CCDC148: variants seen among roughly 807,000 people sequenced by gnomAD.
CCDC148 encodes coiled-coil domain-containing protein 148.
CCDC148 carries 89 observed loss-of-function variants against 85.7 expected under a neutral mutation model. That is an observed-to-expected ratio of 1.04 (90% CI 0.87 to 1.24). CCDC148 has a LOEUF of 1.24. CCDC148 is among the 50% of genes most tolerant of loss of function. The pLI, the probability that CCDC148 is intolerant of heterozygous loss-of-function variation, is 0.00. For synonymous variants in CCDC148, 230 were observed against 213.9 expected (o/e 1.08, Z -0.66); for missense variants, 692 against 671.7 (o/e 1.03, Z -0.33).
At chr2:158,370,006 G>A (rs1046394643) in intron 1 of CCDC148, among the ~76,000 whole-genome samples, 1 of 152,080 alleles carries the variant, frequency 6.6e-6, no homozygotes, top group African/African-American at 2.4e-5. Flanking sequence ...TCATCCTGGG[G>A]TTGAAGCCGA....
At chr2:158,386,340 A>G (rs1482590708) in intron 1 of CCDC148, among the ~76,000 whole-genome samples, 1 of 152,112 alleles carries the variant, frequency 6.6e-6, no homozygotes, top group Non-Finnish European at 1.5e-5. Context: ...AGTGATTGCT[A>G]TTAATTTCTG....
chr2:158,259,983 C>A (rs1184092987), intron 9 of CCDC148, among the ~76,000 whole-genome samples: 1 of 151,930 alleles, frequency 6.6e-6, no homozygotes, highest in Non-Finnish European at 1.5e-5. Flanking sequence ...TAAAATACAC[C>A]CCTCCTAGTG....
chr2:158,331,164 C>G (rs868672191), intron 7 of CCDC148, among the ~76,000 whole-genome samples: 4 of 152,292 alleles, frequency 2.6e-5, no homozygotes, highest in South Asian at 4.1e-4. Context: ...AAATTTTCCT[C>G]TACACACTGC....
intron 2 of CCDC148, among the ~76,000 whole-genome samples, chr2:158,357,383 A>C (rs1241563697): frequency 6.6e-6 from 1 of 152,188 alleles, no homozygotes; most frequent in East Asian, 1.9e-4. Context: ...TGAACAATTA[A>C]ATATTTAAAA....
intron 11 of CCDC148, among the ~76,000 whole-genome samples, chr2:158,216,175 T>C (rs1686843661): frequency 6.6e-6 from 1 of 152,154 alleles, no homozygotes; most frequent in Admixed American, 6.5e-5. Context: ...TGCATGTATA[T>C]GCATTTAAAA....
chr2:158,220,811 G>T, intron 10 of CCDC148, 98 bp from the exon 11 acceptor site: 1 of 844,290 alleles, frequency 1.2e-6, no homozygotes, highest in South Asian at 1.6e-5. Context: ...TTACAAAATT[G>T]AATTTAAAGG....
chr2:158,195,127 T>G (rs141478700), intron 11 of CCDC148, among the ~76,000 whole-genome samples: 1 of 152,174 alleles, frequency 6.6e-6, no homozygotes, highest in East Asian at 1.9e-4. Context: ...TTATCTGTTC[T>G]TTGTTCCTGA....
chr2:158,258,690 C>A (rs1020023172), intron 9 of CCDC148, among the ~76,000 whole-genome samples: 4 of 151,758 alleles, frequency 2.6e-5, no homozygotes, highest in Non-Finnish European at 5.9e-5. Context: ...TCTCTTAAAC[C>A]CATTCAGTTC....
Position 158,220,647 on chromosome 2 carries a change from G to A in CCDC148, c.1318C>T (p.Leu440=). 6.3e-7 allele frequency: 1 copy of A among 1,597,420 alleles called. No homozygotes were observed. The highest frequency in any genetic ancestry group is 8.5e-7 in the Non-Finnish European group (1 of 1,176,234). Reference sequence around the variant, plus strand: ...GCGATTAATTTCTTCAGTTCTTCTAGACGCTGAAGATCTCTCATTTCCATT... The same window carrying A: ...GCGATTAATTTCTTCAGTTCTTCTAAACGCTGAAGATCTCTCATTTCCATT... The part of the protein sequence containing the change: ...QEMEMRDLQR[L]EELKKLIAEQ... Residue 440 remains leucine, a synonymous_variant, in exon 11 of 14, where the codon CTA becomes TTA. Transcript: ENST00000283233.
chr2:158,413,171 G>A (rs972007108), intron 1 of CCDC148, among the ~76,000 whole-genome samples: 1 of 152,098 alleles, frequency 6.6e-6, no homozygotes, highest in African/African-American at 2.4e-5. Context: ...TTAAGAAATT[G>A]TAAAGGAGTC....
chr2:158,351,387 G>A (rs892429731), intron 2 of CCDC148, among the ~76,000 whole-genome samples: 25 of 152,206 alleles, frequency 1.6e-4, no homozygotes, highest in Admixed American at 5.9e-4. Context: ...CGCAACGTGC[G>A]CGAGCCGAAG....
At chr2:158,405,079 G>A (rs2105309109) in intron 1 of CCDC148, among the ~76,000 whole-genome samples, 1 of 152,134 alleles carries the variant, frequency 6.6e-6, no homozygotes, top group East Asian at 1.9e-4. Flanking sequence ...AGAAAAATAA[G>A]AACATATATT....
intron 9 of CCDC148, among the ~76,000 whole-genome samples, chr2:158,254,226 G>A (rs1289751507): frequency 6.6e-6 from 1 of 151,662 alleles, no homozygotes; most frequent in Non-Finnish European, 1.5e-5. Context: ...TGATTAGTTA[G>A]TTGATGCTAT....
At chr2:158,326,684 AT>A (rs975441335) in intron 7 of CCDC148, among the ~76,000 whole-genome samples, 5 of 152,000 alleles carry the variant, frequency 3.3e-5, no homozygotes, top group East Asian at 1.9e-4. Flanking sequence ...ACCCTTGTCA[AT>A]TTTTTTCCTT....
At chr2:158,362,412 A>G (rs1325171650) in intron 1 of CCDC148, among the ~76,000 whole-genome samples, 2 of 152,218 alleles carry the variant, frequency 1.3e-5, no homozygotes, top group Non-Finnish European at 2.9e-5. Flanking sequence ...AATTGACCAC[A>G]AAGTTGGAAG....
rs1265953203 is a variant in CCDC148 at position 158,340,615 on chromosome 2, C to A, written c.317G>T (p.Cys106Phe). ...AATCTTACCAAAATTTGTAAGGTCACAAAGACATTCATTTCCAATGTTCTC... is the reference window on the plus strand; with the variant it reads ...AATCTTACCAAAATTTGTAAGGTCAAAAAGACATTCATTTCCAATGTTCTC... Reference protein sequence around the residue: ...NEENIGNECLCDLTNFEQELS... With the variant: ...NEENIGNECLFDLTNFEQELS... The change falls in exon 4 of 14, where the codon TGT becomes TTT. Residue 106 changes from cysteine (C) to phenylalanine (F), a missense_variant. Coordinates refer to ENST00000283233, the MANE Select transcript of CCDC148 (RefSeq NM_138803.4). 1 of 1,587,258 alleles carries A rather than the reference C, an allele frequency of 6.3e-7. No homozygotes were observed.
At position 158,250,906 on chromosome 2, in the gene CCDC148, G is replaced by T; in HGVS notation, c.1117C>A (p.Gln373Lys). The change falls in exon 10 of 14, where the codon CAA becomes AAA. Residue 373 changes from glutamine to lysine, a missense_variant. Coordinates refer to ENST00000283233, the MANE Select transcript of CCDC148 (RefSeq NM_138803.4). ...ACCTCTTCTTGGTGGGCTCGCCATT[G>T]ACGAACCTGAAATAAAGAGAAAAAC... ...LCADLKAKVR[Q>K]WRAHQEEVAR... The T allele has an allele frequency of 6.3e-7, 1 of 1,594,478 alleles. No homozygotes were observed.
chr2:158,406,625 T>TTTTTTTTTG (rs1559124608), intron 1 of CCDC148, among the ~76,000 whole-genome samples: 8 of 97,596 alleles, frequency 8.2e-5, no homozygotes, highest in Non-Finnish European at 1.9e-4. Context: ...TTTTTTTTTT[T>TTTTTTTTTG]TTTTTTTTTT....
intron 7 of CCDC148, among the ~76,000 whole-genome samples, chr2:158,320,579 T>C (rs781722620): frequency 4.6e-5 from 7 of 152,238 alleles, no homozygotes; most frequent in Non-Finnish European, 1.0e-4. Flanking sequence ...ATAGAAATTT[T>C]AATCTTGGCT....
Sources: gnomAD v4.1 joint callset for allele counts (sites outside exome capture counted in the v4.1 genomes callset) on GRCh38, gnomAD v4.1.1 for gene constraint, MANE v1.5 for transcripts, NCBI Gene and HGNC (gene_info 2026-07-23, HGNC 2026-07-21) for gene names.